SEMA3C: variants seen among roughly 807,000 people sequenced by gnomAD.
SEMA3C encodes semaphorin 3C.
Under a neutral mutation model 89.4 loss-of-function variants are expected in SEMA3C, and 47 were observed. That is an observed-to-expected ratio of 0.53 (90% CI 0.42 to 0.67). The LOEUF (loss-of-function observed/expected upper bound fraction) is 0.67, where lower values mean the gene tolerates loss of function less well. Among genes scored for constraint, SEMA3C ranks in the 30% least tolerant of loss-of-function variants. The pLI is 0.00. For synonymous variants in SEMA3C, 310 were observed against 320.2 expected, an observed-to-expected ratio of 0.97 and a Z score of 0.34; for missense variants, 839 against 929.1, an observed-to-expected ratio of 0.90 and a Z score of 1.26.
At chr7:80,824,691 A>G (rs1789831470) in intron 4 of SEMA3C, among the ~76,000 whole-genome samples, 1 of 152,156 alleles carries the variant, frequency 6.6e-6, no homozygotes, top group African/African-American at 2.4e-5. Context: ...GGCTAAGGGT[A>G]CAGAATCCAG....
At chr7:80,826,301 C>A (rs1286811504) in intron 4 of SEMA3C, among the ~76,000 whole-genome samples, 1 of 152,136 alleles carries the variant, frequency 6.6e-6, no homozygotes, top group Admixed American at 6.6e-5. Flanking sequence ...CATCTCTTGA[C>A]CCTACCACAA....
intron 2 of SEMA3C, among the ~76,000 whole-genome samples, chr7:80,872,423 G>A (rs961770817): frequency 4.6e-5 from 7 of 152,276 alleles, no homozygotes; most frequent in Middle Eastern, 3.4e-3. Flanking sequence ...AAAGTGCTGA[G>A]ATTACAGGTG....
intron 2 of SEMA3C, among the ~76,000 whole-genome samples, chr7:80,865,723 AG>A (rs1052995680): frequency 6.6e-6 from 1 of 152,024 alleles, no homozygotes; most frequent in Non-Finnish European, 1.5e-5. Context: ...TGAACCCGGG[AG>A]GGGGGGTTAC....
intron 12 of SEMA3C, among the ~76,000 whole-genome samples, chr7:80,773,992 A>C (rs1788491379): frequency 6.6e-6 from 1 of 152,216 alleles, no homozygotes; most frequent in Non-Finnish European, 1.5e-5. Context: ...TCCAGCTGAC[A>C]CAAGAAAGGC....
chr7:80,822,244 C>G (rs1527481), intron 4 of SEMA3C, among the ~76,000 whole-genome samples: 2 of 151,578 alleles, frequency 1.3e-5, no homozygotes, highest in African/African-American at 4.9e-5. Flanking sequence ...TTAAATGTAC[C>G]GTAGAAGGAA....
intron 2 of SEMA3C, among the ~76,000 whole-genome samples, chr7:80,912,754 T>A (rs1422416289): frequency 6.6e-6 from 1 of 152,172 alleles, no homozygotes; most frequent in East Asian, 1.9e-4. Flanking sequence ...ACACCCAGAG[T>A]AAGCATCTTC....
chr7:80,801,589 CAAAG>C (rs1789209489), intron 9 of SEMA3C, among the ~76,000 whole-genome samples: 1 of 151,856 alleles, frequency 6.6e-6, no homozygotes, highest in Non-Finnish European at 1.5e-5. Context: ...CTGAGAAACA[CAAAG>C]AAATATGTAT....
At chr7:80,860,357 C>A (rs1790742882) in intron 2 of SEMA3C, among the ~76,000 whole-genome samples, 1 of 152,060 alleles carries the variant, frequency 6.6e-6, no homozygotes, top group South Asian at 2.1e-4. Context: ...ACTTTTATTT[C>A]TTCCTCAAGA....
Position 80,883,070 on chromosome 7 carries a change from C to G in SEMA3C, c.103+33609G>C, listed in dbSNP as rs140895920. Among the ~76,000 whole-genome samples the G allele has an allele frequency of 4.7e-4, 71 of 152,198 alleles. No individual in the cohort carries two copies. In the East Asian group the frequency reaches 7.2e-3, roughly 15 times the overall value. On this transcript the variant is annotated intron_variant, in intron 2 of 17. Coordinates refer to ENST00000265361, the MANE Select transcript of SEMA3C (RefSeq NM_006379.5). ...TCTCTCTCTTTCATTAGGTAAATTG[C>G]TTTGAATGACTTCTTTCATGTTTTA...
At chr7:80,792,810 CTGA>C (rs1053503905) in intron 11 of SEMA3C, among the ~76,000 whole-genome samples, 3 of 152,132 alleles carry the variant, frequency 2.0e-5, no homozygotes, top group African/African-American at 4.8e-5. Context: ...ATCAACTCTG[CTGA>C]TAAGACAGAC....
intron 11 of SEMA3C, among the ~76,000 whole-genome samples, chr7:80,792,109 G>C (rs1044850190): frequency 6.6e-6 from 1 of 152,140 alleles, no homozygotes; most frequent in Non-Finnish European, 1.5e-5. Context: ...TTCATCTGGA[G>C]TTCATATGTT....
chr7:80,870,628 T>C (rs939343533), intron 2 of SEMA3C, among the ~76,000 whole-genome samples: 1 of 152,242 alleles, frequency 6.6e-6, no homozygotes. Flanking sequence ...GAGGAACACC[T>C]ATTTTACAAA....
chr7:80,899,774 C>G (rs1441877985), intron 2 of SEMA3C, among the ~76,000 whole-genome samples: 1 of 152,200 alleles, frequency 6.6e-6, no homozygotes, highest in East Asian at 1.9e-4. Flanking sequence ...AGACTGTCAA[C>G]TGAAGTCTAA....
At chr7:80,842,598 T>G (rs757297465) in intron 2 of SEMA3C, among the ~76,000 whole-genome samples, 1 of 152,234 alleles carries the variant, frequency 6.6e-6, no homozygotes, top group African/African-American at 2.4e-5. Flanking sequence ...ACCTAAGTAT[T>G]AACAGCTCAT....
At position 80,743,680 on chromosome 7, in the gene SEMA3C, A is replaced by G. The variant is rs1787732584; in HGVS notation, c.*1214T>C. The G allele has an allele frequency of 6.6e-6, 1 of 151,710 alleles. No homozygotes were observed. The highest frequency in any genetic ancestry group is 1.5e-5 in the Non-Finnish European group (1 of 67,834). 9.4% of individuals were successfully genotyped at this position (151,710 alleles called of 1,614,324 possible). A position where few individuals can be genotyped will look rare whatever the true frequency, so the allele number is the denominator to read the frequency against. The stretch of plus-strand genomic sequence containing the variant: ...AAAATTATTCTAACATACAATTAGG[A>G]GATAATTATTTTATTCATCACAAAA... On this transcript the variant is annotated 3_prime_UTR_variant, in exon 18 of 18. Coordinates refer to ENST00000265361, the MANE Select transcript of SEMA3C (RefSeq NM_006379.5).
At chr7:80,828,251 G>A (rs1789922764) in intron 3 of SEMA3C, among the ~76,000 whole-genome samples, 1 of 151,852 alleles carries the variant, frequency 6.6e-6, no homozygotes. Flanking sequence ...CCCTTCACTG[G>A]TTACACAGAG....
rs75951395 is a variant in SEMA3C at position 80,859,159 on chromosome 7, A to G, written c.104-30414T>C. On this transcript the variant is annotated intron_variant, in intron 2 of 17. Coordinates refer to ENST00000265361, the MANE Select transcript of SEMA3C (RefSeq NM_006379.5). Reference sequence around the variant, plus strand: ...AAAAAAAAGAACGGTGTGTGTGTGTATGTGTGTTTGTGTGTGTGTAGGTGC... The same window carrying G: ...AAAAAAAAGAACGGTGTGTGTGTGTGTGTGTGTTTGTGTGTGTGTAGGTGC... Among the ~76,000 whole-genome samples, 1,309 of 151,724 alleles carry G rather than the reference A, an allele frequency of 8.6e-3. 55 individuals carry two copies. In the East Asian group the frequency reaches 0.13, roughly 15 times the overall value.
intron 12 of SEMA3C, among the ~76,000 whole-genome samples, chr7:80,767,331 T>C (rs1436651829): frequency 6.6e-6 from 1 of 152,104 alleles, no homozygotes; most frequent in African/African-American, 2.4e-5. Flanking sequence ...CTGAATCAAA[T>C]CAGAAATTTA....
In SEMA3C at chr7:80,861,982, C is replaced by T. The variant is rs80184068; in HGVS notation, c.104-33237G>A. Among the ~76,000 whole-genome samples, 538 of 152,222 alleles carry T rather than the reference C, an allele frequency of 3.5e-3. 10 individuals are homozygous for T. The highest frequency in any genetic ancestry group is 0.035 in the East Asian group (179 of 5,168). On this transcript the variant is annotated intron_variant, in intron 2 of 17. Coordinates refer to ENST00000265361, the MANE Select transcript of SEMA3C (RefSeq NM_006379.5). Reference sequence around the variant, plus strand: ...TCATTTATGACAAACCCACAGCCAACATAACACTGAATGGGGAAAAGCTGA... The same window carrying T: ...TCATTTATGACAAACCCACAGCCAATATAACACTGAATGGGGAAAAGCTGA...
Sources: gnomAD v4.1 joint callset for allele counts (sites outside exome capture counted in the v4.1 genomes callset) on GRCh38, gnomAD v4.1.1 for gene constraint, MANE v1.5 for transcripts, NCBI Gene and HGNC (gene_info 2026-07-23, HGNC 2026-07-21) for gene names.